Variants in PCDHGB5 observed in about 807,000 individuals in gnomAD.
PCDHGB5 encodes the protein protocadherin gamma subfamily B, 5, also known as protocadherin gamma-B5.
A neutral mutation model predicts 62.9 loss-of-function variants in PCDHGB5; 48 were observed. The observed-to-expected ratio is 0.76, with a 90% CI of 0.61 to 0.97. The LOEUF (loss-of-function observed/expected upper bound fraction) is 0.97, where lower values mean the gene tolerates loss of function less well. Ranked by LOEUF, PCDHGB5 falls within the 50% of genes least tolerant of loss-of-function variation. PCDHGB5 has a pLI of 0.00. For missense variants in PCDHGB5, 1,118 were observed against 1,198.6 expected, an observed-to-expected ratio of 0.93 and a Z score of 0.99; for synonymous variants, 474 against 511.2, an observed-to-expected ratio of 0.93 and a Z score of 0.98.
intron 1 of PCDHGB5, chr5:141,415,051 C>G: frequency 6.2e-7 from 1 of 1,613,458 alleles, no homozygotes; most frequent in Non-Finnish European, 8.5e-7. Context: ...GGTGGGGGAG[C>G]ACACGGGCGA....
At chr5:141,505,239 G>A (rs2099844708) in intron 2 of PCDHGB5, 154 bp from the exon 3 acceptor site, 1 of 886,092 alleles carries the variant, frequency 1.1e-6, no homozygotes, top group Middle Eastern at 5.9e-4. Context: ...GCTTCTGAAG[G>A]ATTGTAGAAG....
Position 141,399,091 on chromosome 5 carries a change from G to A in PCDHGB5, c.964G>A (p.Gly322Arg), listed in dbSNP as rs1299050213. Residue 322 changes from glycine to arginine, a missense_variant, in exon 1 of 4, where the codon GGA becomes AGA. This residue lies in a region of PCDHGB5 where 1,034 missense variants were observed against 1,029.1 expected (regional missense o/e 1.00). Coordinates refer to ENST00000617380, the MANE Select transcript of PCDHGB5 (RefSeq NM_018925.3). ...SMVVEGRDGG[G>R]LVAQCTVEIN... ...GGTTGTAGAAGGGAGGGATGGTGGT[G>A]GACTGGTTGCACAATGTACAGTTGA... The A allele has an allele frequency of 1.2e-6, 2 of 1,613,762 alleles. No individual in the cohort carries two copies. Among genetic ancestry groups the A allele is most frequent in the South Asian group, 1.1e-5 (1 of 91,074 alleles).
intron 1 of PCDHGB5, among the ~76,000 whole-genome samples, chr5:141,425,696 A>G (rs1033976807): frequency 1.3e-4 from 20 of 152,242 alleles, no homozygotes; most frequent in African/African-American, 4.3e-4. Context: ...ATCATTTCAT[A>G]GTGGTCAAAA....
At position 141,487,010 on chromosome 5, in the gene PCDHGB5, GC is replaced by G. The variant is rs2099638172; in HGVS notation, c.2398-7793del. ...TTGGGTTTCCTATCAGCTCCTGGAG[GC>G]CCCAGATCCCAGCCTGTTTGCAGTC... is the stretch of plus-strand genomic sequence containing the variant. On this transcript the variant is annotated intron_variant, in intron 1 of 3. Coordinates refer to ENST00000617380, the MANE Select transcript of PCDHGB5 (RefSeq NM_018925.3). This position sits in a 1 kb window ranked among gnomAD's most constrained non-coding sequence, Gnocchi z 5.0. 6.2e-7 allele frequency: 1 copy of G among 1,614,096 alleles called. No individual in the cohort carries two copies. Among genetic ancestry groups the G allele is most frequent in the Non-Finnish European group, 8.5e-7 (1 of 1,180,056 alleles).
At chr5:141,417,213 G>A (rs1470553702) in intron 1 of PCDHGB5, 2 of 152,108 alleles carry the variant, frequency 1.3e-5, no homozygotes, top group African/African-American at 4.8e-5. Context: ...GGCTAGAATT[G>A]AAGACAAAAA....
intron 1 of PCDHGB5, among the ~76,000 whole-genome samples, chr5:141,483,203 A>T (rs940487337): frequency 1.3e-5 from 2 of 152,204 alleles, no homozygotes; most frequent in African/African-American, 2.4e-5. Flanking sequence ...ATTTTATTCC[A>T]TATAGATGAC....
In PCDHGB5 at chr5:141,476,476, C is replaced by T; in HGVS notation, c.2398-18331C>T. 6.2e-7 allele frequency: 1 copy of T among 1,613,986 alleles called. No homozygotes were observed. The highest frequency in any genetic ancestry group is 8.5e-7 in the Non-Finnish European group (1 of 1,179,992). On this transcript the variant is annotated intron_variant, in intron 1 of 3. Transcript: ENST00000617380. The surrounding 1 kb of genome is among the most constrained non-coding windows in gnomAD (Gnocchi z 7.6). Reference sequence around the variant, plus strand: ...TGGAGAACCCGCTGGAGCTGTTCAGCGTGGAAGTGGTGATCCAGGACATCA... The same window carrying T: ...TGGAGAACCCGCTGGAGCTGTTCAGTGTGGAAGTGGTGATCCAGGACATCA...
chr5:141,485,867 G>A lies in PCDHGB5; in HGVS notation c.2398-8940G>A. On this transcript the variant is annotated intron_variant, in intron 1 of 3. Coordinates refer to ENST00000617380, the MANE Select transcript of PCDHGB5 (RefSeq NM_018925.3). The surrounding 1 kb of genome is among the most constrained non-coding windows in gnomAD (Gnocchi z 5.7). ...TGGCACCGCAGAGCTCCGGGTATCC[G>A]TGCTGGACGTAAACGACAACGCCCC... The A allele has an allele frequency of 1.9e-6, 3 of 1,614,164 alleles. No homozygotes were observed. Among genetic ancestry groups the A allele is most frequent in the Non-Finnish European group, 8.5e-7 (1 of 1,180,040 alleles).
At chr5:141,457,940 T>G (rs541807221) in intron 1 of PCDHGB5, among the ~76,000 whole-genome samples, 2 of 152,356 alleles carry the variant, frequency 1.3e-5, no homozygotes, top group East Asian at 3.9e-4. Flanking sequence ...TTTTATTGGC[T>G]CTGCATGTCA....
intron 1 of PCDHGB5, among the ~76,000 whole-genome samples, chr5:141,454,268 G>A (rs2098785692): frequency 6.6e-6 from 1 of 152,126 alleles, no homozygotes; most frequent in African/African-American, 2.4e-5. Context: ...AGTAATGCCA[G>A]CAAAAACTTC....
At chr5:141,428,095 A>G (rs1361784967) in intron 1 of PCDHGB5, 1 of 1,608,848 alleles carries the variant, frequency 6.2e-7, no homozygotes, top group East Asian at 2.2e-5. Flanking sequence ...TGGCTGTCCT[A>G]CCACGTGCTG....
At chr5:141,419,227 C>G in intron 1 of PCDHGB5, 1 of 1,614,024 alleles carries the variant, frequency 6.2e-7, no homozygotes, top group South Asian at 1.1e-5. Flanking sequence ...GACAGTCAGC[C>G]TACCTGGTCC....
intron 1 of PCDHGB5, among the ~76,000 whole-genome samples, chr5:141,446,120 T>C (rs2098489182): frequency 6.6e-6 from 1 of 152,196 alleles, no homozygotes; most frequent in Admixed American, 6.5e-5. Flanking sequence ...AGGAAATGGG[T>C]TCAATAAGAC....
chr5:141,453,266 A>G (rs1322091044), intron 1 of PCDHGB5, among the ~76,000 whole-genome samples: 4 of 151,838 alleles, frequency 2.6e-5, no homozygotes. Flanking sequence ...AGTGCACACC[A>G]CCATGACTGG....
At chr5:141,458,513 G>GT (rs537551567) in intron 1 of PCDHGB5, among the ~76,000 whole-genome samples, 9,886 of 146,106 alleles carry the variant, frequency 0.068, 671 homozygotes, top group African/African-American at 0.18. Flanking sequence ...TTGACACTTT[G>GT]TTTTTTTTTT....
At chr5:141,456,058 C>T (rs1488082918) in intron 1 of PCDHGB5, among the ~76,000 whole-genome samples, 3 of 151,880 alleles carry the variant, frequency 2.0e-5, no homozygotes, top group Admixed American at 6.6e-5. Context: ...CCACCACGTC[C>T]GGCTAATTTT....
chr5:141,497,829 C>T (rs754594104), intron 2 of PCDHGB5, among the ~76,000 whole-genome samples: 147 of 152,160 alleles, frequency 9.7e-4, no homozygotes, highest in Non-Finnish European at 1.8e-3. Flanking sequence ...TGTGATCGCC[C>T]CCGGCCACAA....
rs549955923 is a variant in PCDHGB5, at chr5:141,409,897, A to G, written c.2397+9373A>G. 8.7e-6 allele frequency: 14 copies of G among 1,613,204 alleles called. No individual in the cohort carries two copies. The South Asian group carries it at 1.3e-4, about 15-fold the overall frequency. On this transcript the variant is annotated intron_variant, in intron 1 of 3. Coordinates refer to ENST00000617380, the MANE Select transcript of PCDHGB5 (RefSeq NM_018925.3). ...ACAACGCACCGCGGGTGCTGTACCC[A>G]GCTCTGGGTCCTGACGGCTCCGCGT...
Position 141,490,683 on chromosome 5 carries a change from A to C in PCDHGB5, c.2398-4124A>C, listed in dbSNP as rs766019662. 6 of 1,614,088 alleles carry C rather than the reference A, an allele frequency of 3.7e-6. No homozygotes were observed. The highest frequency in any genetic ancestry group is 5.1e-6 in the Non-Finnish European group (6 of 1,180,034). On this transcript the variant is annotated intron_variant, in intron 1 of 3. Transcript: ENST00000617380. The surrounding 1 kb of genome is among the most constrained non-coding windows in gnomAD (Gnocchi z 5.4). ...TTTGCACTGTGGCTGCCTCAGATCCAGACACTGGGGATAATGCCCGCCTCA... is the reference window on the plus strand; with the variant it reads ...TTTGCACTGTGGCTGCCTCAGATCCCGACACTGGGGATAATGCCCGCCTCA...
Sources: allele counts gnomAD v4.1 joint callset (sites outside exome capture counted in the v4.1 genomes callset), GRCh38; gene constraint gnomAD v4.1.1; regional missense constraint gnomAD v4.1.1; non-coding constraint Gnocchi (gnomAD v3.1); transcripts MANE v1.5; gene names NCBI Gene and HGNC (gene_info 2026-07-23, HGNC 2026-07-21).